The following NKAIN3 variants were observed in gnomAD, a reference collection of about 807,000 sequenced individuals.
NKAIN3 encodes sodium/potassium transporting ATPase interacting 3, also known as sodium/potassium-transporting ATPase subunit beta-1-interacting protein 3.
A neutral mutation model predicts 30.2 loss-of-function variants in NKAIN3; 25 were observed. The observed-to-expected ratio is 0.83, with a 90% confidence interval of 0.60 to 1.16. NKAIN3 has a LOEUF of 1.16. Ranked by LOEUF, NKAIN3 falls within the 50% of genes most tolerant of loss-of-function variation. The probability of loss-of-function intolerance (pLI) is 0.00; values close to 1 mark genes in which losing one functional copy is unlikely to be tolerated. For missense variants in NKAIN3, 225 were observed against 254.1 expected, an observed-to-expected ratio of 0.89 and a Z score of 0.78; for synonymous variants, 91 against 89.6, an observed-to-expected ratio of 1.02 and a Z score of -0.09.
chr8:62,419,103 A>T (rs1804549805), intron 1 of NKAIN3, among the ~76,000 whole-genome samples: 1 of 152,146 alleles, frequency 6.6e-6, no homozygotes, highest in Non-Finnish European at 1.5e-5. Flanking sequence ...AACTAAAGGG[A>T]CGTAGGACTA....
At chr8:62,870,256 A>ATATATAGATATCTATAGATATC (rs1554586550) in intron 4 of NKAIN3, among the ~76,000 whole-genome samples, 10 of 45,590 alleles carry the variant, frequency 2.2e-4, no homozygotes, top group African/African-American at 1.1e-3. Flanking sequence ...ATATCTATAT[A>ATATATAGATATCTATAGATATC]TATATCTATA....
In NKAIN3 at chr8:62,625,926, A is replaced by G. The variant is rs561049864; in HGVS notation, c.273+36132A>G. On this transcript the variant is annotated intron_variant, in intron 3 of 6. Coordinates refer to ENST00000623646, the MANE Select transcript of NKAIN3 (RefSeq NM_001304533.3). ...TCAAAAATTGTTGTAAGCACTTTTCATGTGTTAACATGACATAATTGACAA... is the reference window on the plus strand; with the variant it reads ...TCAAAAATTGTTGTAAGCACTTTTCGTGTGTTAACATGACATAATTGACAA... 8.6e-5 allele frequency among the ~76,000 whole-genome samples: 13 copies of G among 151,152 alleles called. No homozygotes were observed. The East Asian group carries it at 2.4e-3, about 27-fold the overall frequency.
chr8:62,297,960 T>C (rs1379442814), intron 1 of NKAIN3, among the ~76,000 whole-genome samples: 1 of 152,120 alleles, frequency 6.6e-6, no homozygotes, highest in East Asian at 1.9e-4. Flanking sequence ...TAAGAAAATG[T>C]GGCACATATA....
intron 1 of NKAIN3, among the ~76,000 whole-genome samples, chr8:62,394,828 G>GACGGGACA (rs1817689240): frequency 1.3e-5 from 2 of 149,134 alleles, no homozygotes; most frequent in Non-Finnish European, 1.5e-5. Flanking sequence ...ATGGTGGGGC[G>GACGGGACA]GCCAAGCAGA....
intron 5 of NKAIN3, among the ~76,000 whole-genome samples, chr8:62,937,855 T>C (rs1310158290): frequency 1.3e-5 from 2 of 152,018 alleles, no homozygotes; most frequent in Non-Finnish European, 2.9e-5. Flanking sequence ...TTTGGTGCTA[T>C]TGGGGGTGAC....
chr8:62,732,532 TA>T (rs1815505730), intron 3 of NKAIN3, among the ~76,000 whole-genome samples: 1 of 147,394 alleles, frequency 6.8e-6, no homozygotes, highest in East Asian at 1.9e-4. Context: ...TTTTCTAATT[TA>T]GGGGCCCAGG....
intron 3 of NKAIN3, among the ~76,000 whole-genome samples, chr8:62,631,318 C>G (rs75658907): frequency 6.6e-6 from 1 of 152,094 alleles, no homozygotes; most frequent in African/African-American, 2.4e-5. Flanking sequence ...CCTTGCAATC[C>G]CCTCTCCACC....
At chr8:62,354,085 G>A (rs945794239) in intron 1 of NKAIN3, among the ~76,000 whole-genome samples, 3 of 152,150 alleles carry the variant, frequency 2.0e-5, no homozygotes, top group South Asian at 4.1e-4. Context: ...GGTTATTTTT[G>A]TTTTAGGAAG....
intron 3 of NKAIN3, among the ~76,000 whole-genome samples, chr8:62,703,909 T>C (rs564242136): frequency 8.5e-5 from 13 of 152,360 alleles, no homozygotes; most frequent in African/African-American, 2.9e-4. Context: ...TTTATGACTG[T>C]TACCCTACCC....
At chr8:62,850,467 C>A (rs1247580437) in intron 4 of NKAIN3, among the ~76,000 whole-genome samples, 1 of 151,288 alleles carries the variant, frequency 6.6e-6, no homozygotes, top group Non-Finnish European at 1.5e-5. Context: ...TAATTAGATC[C>A]CATTTGTCAA....
intron 4 of NKAIN3, among the ~76,000 whole-genome samples, chr8:62,913,263 G>A (rs563475686): frequency 2.6e-5 from 4 of 152,046 alleles, no homozygotes; most frequent in Non-Finnish European, 5.9e-5. Context: ...TATACTATAT[G>A]TATTTGTGTT....
At chr8:62,707,670 T>C (rs1192939584) in intron 3 of NKAIN3, among the ~76,000 whole-genome samples, 1 of 152,162 alleles carries the variant, frequency 6.6e-6, no homozygotes, top group African/African-American at 2.4e-5. Flanking sequence ...TCCCACTCTT[T>C]GGGTTTTCTA....
chr8:62,284,790 A>C (rs962533298), intron 1 of NKAIN3, among the ~76,000 whole-genome samples: 1 of 152,118 alleles, frequency 6.6e-6, no homozygotes, highest in African/African-American at 2.4e-5. Context: ...TGCAAAAAAA[A>C]ACTCTGAAAA....
intron 4 of NKAIN3, among the ~76,000 whole-genome samples, chr8:62,899,817 T>A (rs1179045698): frequency 6.6e-6 from 1 of 152,162 alleles, no homozygotes; most frequent in Non-Finnish European, 1.5e-5. Flanking sequence ...GGGATTATTA[T>A]GCATTCCATG....
intron 5 of NKAIN3, among the ~76,000 whole-genome samples, chr8:62,993,037 GT>G (rs1185113752): frequency 1.4e-5 from 2 of 144,722 alleles, no homozygotes; most frequent in Non-Finnish European, 3.0e-5. Context: ...GATCCTGAAG[GT>G]TTTGTTTTGT....
At chr8:62,435,828 T>C (rs1056657649) in intron 1 of NKAIN3, among the ~76,000 whole-genome samples, 1 of 152,238 alleles carries the variant, frequency 6.6e-6, no homozygotes, top group African/African-American at 2.4e-5. Flanking sequence ...CATAAGTTTT[T>C]TAAACCTCAT....
At chr8:62,535,248 C>T (rs1454541708) in intron 1 of NKAIN3, among the ~76,000 whole-genome samples, 3 of 152,224 alleles carry the variant, frequency 2.0e-5, no homozygotes, top group South Asian at 4.1e-4. Context: ...GTTCGGAAAA[C>T]TCTCTCTGTG....
chr8:62,713,371 T>A (rs1331241309), intron 3 of NKAIN3, among the ~76,000 whole-genome samples: 1 of 152,244 alleles, frequency 6.6e-6, no homozygotes, highest in Admixed American at 6.5e-5. Flanking sequence ...CATTTGCACA[T>A]GCTACAGATT....
chr8:62,749,812 A>G (rs1266735503), intron 4 of NKAIN3, among the ~76,000 whole-genome samples: 1 of 150,740 alleles, frequency 6.6e-6, no homozygotes, highest in Non-Finnish European at 1.5e-5. Flanking sequence ...CCTCCCGAGT[A>G]GCTGGGACTA....
Sources: allele counts gnomAD v4.1 joint callset (sites outside exome capture counted in the v4.1 genomes callset), GRCh38; gene constraint gnomAD v4.1.1; transcripts MANE v1.5; gene names NCBI Gene and HGNC (gene_info 2026-07-23, HGNC 2026-07-21).